NALCN: variants seen among roughly 807,000 people sequenced by gnomAD.
The protein encoded by NALCN is sodium leak channel NALCN.
Under a neutral mutation model 225.3 loss-of-function variants are expected in NALCN, and 111 were observed. The observed-to-expected ratio is 0.49, with a 90% CI of 0.42 to 0.58. The LOEUF is 0.58. Ranked by LOEUF, NALCN falls within the 20% of genes least tolerant of loss-of-function variation. The pLI, the probability that NALCN is intolerant of heterozygous loss-of-function variation, is 0.00. For synonymous variants in NALCN, 764 were observed against 769.0 expected (o/e 0.99, Z 0.11); for missense variants, 1,378 against 2,202.4 (o/e 0.63, Z 7.49).
At chr13:101,383,122 A>T (rs965899861) in intron 3 of NALCN, among the ~76,000 whole-genome samples, 2 of 152,144 alleles carry the variant, frequency 1.3e-5, no homozygotes, top group African/African-American at 4.8e-5. Flanking sequence ...CATGCTGTCC[A>T]TCTTCCCGAA....
intron 28 of NALCN, among the ~76,000 whole-genome samples, chr13:101,091,113 C>T (rs1465523917): frequency 6.6e-6 from 1 of 151,968 alleles, no homozygotes; most frequent in Non-Finnish European, 1.5e-5. Context: ...GTGGCTTTTC[C>T]CCCTCTTTCC....
chr13:101,319,682 T>G (rs2044678696), intron 7 of NALCN, among the ~76,000 whole-genome samples: 1 of 152,194 alleles, frequency 6.6e-6, no homozygotes, highest in Non-Finnish European at 1.5e-5. Flanking sequence ...AATCAACAAG[T>G]CATGTATATT....
At position 101,173,654 on chromosome 13, in the gene NALCN, C is replaced by T. The variant is rs142756398; in HGVS notation, c.1839+2646G>A. Among the ~76,000 whole-genome samples, 546 of 152,112 alleles carry T rather than the reference C, an allele frequency of 3.6e-3. 3 individuals carry two copies. Among genetic ancestry groups the T allele is most frequent in the African/African-American group, 0.013 (525 of 41,486 alleles). On this transcript the variant is annotated intron_variant, in intron 15 of 43. Coordinates refer to ENST00000251127, the MANE Select transcript of NALCN (RefSeq NM_052867.4). The stretch of plus-strand genomic sequence containing the variant: ...TGGTAAAAGAAGCAAAAAGTTTGAA[C>T]GGAGCAAAGATGGAATTTGGAATGC...
chr13:101,401,369 C>G (rs1357642030), intron 1 of NALCN, among the ~76,000 whole-genome samples: 1 of 152,024 alleles, frequency 6.6e-6, no homozygotes, highest in Non-Finnish European at 1.5e-5. Flanking sequence ...CAATGACAGT[C>G]TCCTATCCAC....
chr13:101,102,494 T>C (rs1052506425), intron 26 of NALCN, among the ~76,000 whole-genome samples: 9 of 152,150 alleles, frequency 5.9e-5, no homozygotes, highest in African/African-American at 2.2e-4. Flanking sequence ...AAACTTTTGA[T>C]CACTGTTTTG....
chr13:101,330,726 T>G (rs2045136829), intron 7 of NALCN, among the ~76,000 whole-genome samples: 3 of 152,178 alleles, frequency 2.0e-5, no homozygotes, highest in Admixed American at 2.0e-4. Context: ...CCATGTGTCC[T>G]GGGAGGGATT....
chr13:101,276,846 G>A (rs16958750), intron 10 of NALCN, among the ~76,000 whole-genome samples: 9,427 of 152,090 alleles, frequency 0.062, 912 homozygotes, highest in African/African-American at 0.21. Context: ...GGTAAAATAT[G>A]TATGTGCACA....
chr13:101,062,624 A>C (rs1411382522), intron 40 of NALCN, among the ~76,000 whole-genome samples: 1 of 151,662 alleles, frequency 6.6e-6, no homozygotes, highest in African/African-American at 2.4e-5. Context: ...TTTTTTTGAG[A>C]TGGAGCTTCA....
chr13:101,181,410 T>G (rs912291270), intron 14 of NALCN: 25 of 495,100 alleles, frequency 5.0e-5, no homozygotes, highest in South Asian at 2.5e-4. Flanking sequence ...CTGGGGCTTT[T>G]TGTGTGTGTG....
chr13:101,091,115 CCT>C (rs1324804282), intron 28 of NALCN, among the ~76,000 whole-genome samples: 3 of 152,010 alleles, frequency 2.0e-5, no homozygotes, highest in Admixed American at 6.6e-5. Context: ...GGCTTTTCCC[CCT>C]CTTTCCTTCT....
At chr13:101,184,166 G>A (rs945929982) in intron 14 of NALCN, among the ~76,000 whole-genome samples, 7 of 152,166 alleles carry the variant, frequency 4.6e-5, no homozygotes, top group African/African-American at 1.7e-4. Context: ...ATTTCCCTCA[G>A]ATTATAATGC....
chr13:101,208,199 G>A (rs1375364959), intron 13 of NALCN, among the ~76,000 whole-genome samples: 3 of 151,834 alleles, frequency 2.0e-5, no homozygotes, highest in Non-Finnish European at 4.4e-5. Context: ...CACCAGGAGG[G>A]ACAAAGAACT....
chr13:101,340,473 G>T (rs1270971356), intron 7 of NALCN, among the ~76,000 whole-genome samples: 1 of 152,054 alleles, frequency 6.6e-6, no homozygotes, highest in Non-Finnish European at 1.5e-5. Flanking sequence ...TTCATATTTT[G>T]CCCGTGCATC....
At chr13:101,058,431 C>CATAATAA in intron 42 of NALCN, 1 of 149,840 alleles carries the variant, frequency 6.7e-6, no homozygotes, top group Non-Finnish European at 1.4e-5. Context: ...CGGGGGCAGT[C>CATAATAA]TACTGTCACC....
At chr13:101,394,458 T>C (rs766203985) in intron 3 of NALCN, among the ~76,000 whole-genome samples, 3 of 152,200 alleles carry the variant, frequency 2.0e-5, no homozygotes, top group Non-Finnish European at 4.4e-5. Context: ...TGTCAAACTC[T>C]AAAATCTGCA....
chr13:101,192,642 A>G (rs1028545748), intron 13 of NALCN, among the ~76,000 whole-genome samples: 1 of 151,704 alleles, frequency 6.6e-6, no homozygotes, highest in African/African-American at 2.4e-5. Context: ...CAGGGTCAAG[A>G]TCATGGAAGA....
intron 13 of NALCN, among the ~76,000 whole-genome samples, chr13:101,210,029 C>A (rs560072028): frequency 6.6e-6 from 1 of 152,298 alleles, no homozygotes; most frequent in African/African-American, 2.4e-5. Context: ...GCCACAGCAG[C>A]AATACTGCAG....
rs983416631 is a variant in NALCN at position 101,089,054 on chromosome 13, C to T, written c.3489+609G>A. On this transcript the variant is annotated intron_variant, in intron 30 of 43. Transcript: ENST00000251127. This position sits in a 1 kb window ranked among gnomAD's most constrained non-coding sequence, Gnocchi z 4.7. Reference sequence around the variant, plus strand: ...CTGGGATTACAGGCATGCGCCACCACGCCCGGCTAATTTTTGTATTTTTAG... The same window carrying T: ...CTGGGATTACAGGCATGCGCCACCATGCCCGGCTAATTTTTGTATTTTTAG... 1.4e-4 allele frequency among the ~76,000 whole-genome samples: 22 copies of T among 151,844 alleles called. No individual in the cohort carries two copies. Among genetic ancestry groups the T allele is most frequent in the African/African-American group, 2.4e-4 (10 of 41,348 alleles).
intron 20 of NALCN, among the ~76,000 whole-genome samples, chr13:101,108,287 T>C (rs2035251007): frequency 6.6e-6 from 1 of 152,086 alleles, no homozygotes; most frequent in Admixed American, 6.6e-5. Context: ...AGTAATTCAT[T>C]CAGCACATAT....
Sources: gnomAD v4.1 joint callset for allele counts (sites outside exome capture counted in the v4.1 genomes callset) on GRCh38, gnomAD v4.1.1 for gene constraint, Gnocchi (gnomAD v3.1) non-coding constraint, MANE v1.5 for transcripts, NCBI Gene and HGNC (gene_info 2026-07-23, HGNC 2026-07-21) for gene names.